NTRK2: variants seen among roughly 807,000 people sequenced by gnomAD.
NTRK2 encodes the protein neurotrophic receptor tyrosine kinase 2, also known as BDNF/NT-3 growth factors receptor.
A neutral mutation model predicts 94.5 loss-of-function variants in NTRK2; 13 were observed. The observed-to-expected ratio is 0.14, with a 90% CI of 0.09 to 0.22. NTRK2 has a LOEUF of 0.22. Among genes scored for constraint, NTRK2 ranks in the 10% least tolerant of loss-of-function variants. The pLI, the probability that NTRK2 is intolerant of heterozygous loss-of-function variation, is 1.00. For missense variants in NTRK2, 639 were observed against 1,071.2 expected, an observed-to-expected ratio of 0.60 and a Z score of 5.63; for synonymous variants, 372 against 407.4, an observed-to-expected ratio of 0.91 and a Z score of 1.05.
intron 12 of NTRK2, among the ~76,000 whole-genome samples, chr9:84,765,161 T>C (rs994736539): frequency 6.6e-6 from 1 of 152,164 alleles, no homozygotes; most frequent in African/African-American, 2.4e-5. Context: ...AGAGTGACTA[T>C]AGTCAATAAT....
chr9:84,979,982 A>G (rs1238935430), intron 17 of NTRK2, among the ~76,000 whole-genome samples: 2 of 152,246 alleles, frequency 1.3e-5, no homozygotes, highest in Non-Finnish European at 2.9e-5. Context: ...AAACCACAGT[A>G]TGTTGTAAAC....
chr9:84,669,255 G>C (rs201128201), upstream of NTRK2: 6 of 152,630 alleles, frequency 3.9e-5, no homozygotes, highest in Non-Finnish European at 8.8e-5. The surrounding 1 kb of genome is among the most constrained non-coding windows in gnomAD (Gnocchi z 4.1). Context: ...CGCGGGGAGG[G>C]AGAAGGGAGG....
intron 17 of NTRK2, among the ~76,000 whole-genome samples, chr9:84,960,523 G>GTGGA (rs1329951194): frequency 2.0e-5 from 3 of 152,284 alleles, no homozygotes; most frequent in African/African-American, 7.2e-5. Flanking sequence ...AGATAGGTAG[G>GTGGA]TGGATGGATG....
intron 17 of NTRK2, among the ~76,000 whole-genome samples, chr9:84,986,069 C>T (rs1828253061): frequency 6.6e-6 from 1 of 152,160 alleles, no homozygotes; most frequent in African/African-American, 2.4e-5. Context: ...ACAGTGGTTG[C>T]TGTCTGAAGG....
intron 6 of NTRK2, among the ~76,000 whole-genome samples, chr9:84,723,156 G>A (rs190354464): frequency 1.3e-5 from 2 of 152,218 alleles, no homozygotes; most frequent in Admixed American, 1.3e-4. Context: ...ACCCTTTTGT[G>A]TTCTTGAGCA....
At chr9:84,805,333 G>A (rs898654370) in intron 12 of NTRK2, among the ~76,000 whole-genome samples, 3 of 152,078 alleles carry the variant, frequency 2.0e-5, no homozygotes, top group African/African-American at 4.8e-5. Context: ...AATGGACCAC[G>A]TTTTTTTCCC....
chr9:84,704,103 T>G (rs34121083), intron 4 of NTRK2, among the ~76,000 whole-genome samples: 3,930 of 152,318 alleles, frequency 0.026, 73 homozygotes, highest in Admixed American at 0.047. Context: ...TATAGTTTTA[T>G]TAATAGACTT....
At chr9:84,688,083 G>A (rs894590102) in intron 2 of NTRK2, among the ~76,000 whole-genome samples, 3 of 152,138 alleles carry the variant, frequency 2.0e-5, no homozygotes, top group Admixed American at 6.5e-5. Context: ...CAAGGAAAAG[G>A]CCTGCTCAGG....
chr9:84,842,516 AG>A (rs1295068249), intron 12 of NTRK2, among the ~76,000 whole-genome samples: 1 of 152,104 alleles, frequency 6.6e-6, no homozygotes, highest in Non-Finnish European at 1.5e-5. Context: ...TGACTGCTCC[AG>A]GGTTGGGACT....
At chr9:84,968,131 G>A (rs1471502215) in intron 17 of NTRK2, among the ~76,000 whole-genome samples, 1 of 152,126 alleles carries the variant, frequency 6.6e-6, no homozygotes, top group Non-Finnish European at 1.5e-5. Flanking sequence ...TTACTGATGA[G>A]AAAAATAATA....
intron 12 of NTRK2, among the ~76,000 whole-genome samples, chr9:84,777,845 G>T (rs955917792): frequency 1.3e-5 from 2 of 152,058 alleles, no homozygotes; most frequent in South Asian, 2.1e-4. Context: ...TTTTTTGCAA[G>T]ACCTTTTAAA....
intron 12 of NTRK2, among the ~76,000 whole-genome samples, chr9:84,853,627 T>C (rs2074898125): frequency 6.6e-6 from 1 of 152,238 alleles, no homozygotes; most frequent in Non-Finnish European, 1.5e-5. Flanking sequence ...CAAGTGTTTA[T>C]TGAGTGTTTA....
chr9:84,743,718 A>G (rs1340446139), intron 10 of NTRK2, among the ~76,000 whole-genome samples: 1 of 152,240 alleles, frequency 6.6e-6, no homozygotes, highest in African/African-American at 2.4e-5. Flanking sequence ...TTTGGCCAAA[A>G]TGTCATGATA....
chr9:84,900,193 C>A (rs563358848), intron 14 of NTRK2, among the ~76,000 whole-genome samples: 1 of 152,126 alleles, frequency 6.6e-6, no homozygotes, highest in South Asian at 2.1e-4. Flanking sequence ...TGATCACGTT[C>A]GGAAAATGAG....
chr9:84,793,627 G>T (rs1341359611), intron 12 of NTRK2, among the ~76,000 whole-genome samples: 1 of 152,150 alleles, frequency 6.6e-6, no homozygotes, highest in Non-Finnish European at 1.5e-5. Context: ...TGTTTTCCTG[G>T]ATTTGATTTG....
chr9:84,735,903 T>A (rs2063224661), intron 9 of NTRK2, among the ~76,000 whole-genome samples: 1 of 152,166 alleles, frequency 6.6e-6, no homozygotes, highest in African/African-American at 2.4e-5. Flanking sequence ...TTGAGTAGAA[T>A]TTGAGGCAGA....
At chr9:84,828,389 C>T (rs1463083947) in intron 12 of NTRK2, among the ~76,000 whole-genome samples, 2 of 152,118 alleles carry the variant, frequency 1.3e-5, no homozygotes, top group African/African-American at 4.8e-5. Flanking sequence ...ATTTTTATGA[C>T]AGGGAAATTT....
At chr9:84,714,527 T>C (rs2061596010) in intron 6 of NTRK2, among the ~76,000 whole-genome samples, 1 of 152,190 alleles carries the variant, frequency 6.6e-6, no homozygotes. Context: ...AGCCTTCACT[T>C]TGGGGCTTAG....
chr9:84,826,061 G>A (rs888693022), intron 12 of NTRK2, among the ~76,000 whole-genome samples: 11 of 152,126 alleles, frequency 7.2e-5, no homozygotes, highest in Non-Finnish European at 1.0e-4. Context: ...CCCCCCACCC[G>A]CCATGGACAG....
Sources: gnomAD v4.1 joint callset for allele counts (sites outside exome capture counted in the v4.1 genomes callset) on GRCh38, gnomAD v4.1.1 for gene constraint, Gnocchi (gnomAD v3.1) non-coding constraint, MANE v1.5 for transcripts, NCBI Gene and HGNC (gene_info 2026-07-23, HGNC 2026-07-21) for gene names.